OR2L13: variants seen among roughly 807,000 people sequenced by gnomAD.
OR2L13 encodes the protein olfactory receptor family 2 subfamily L member 13, also known as olfactory receptor 2L13.
Under a neutral mutation model 15.3 loss-of-function variants are expected in OR2L13, and 14 were observed. The ratio of observed to expected loss-of-function variants is 0.91; its 90% CI spans 0.60 to 1.43. The LOEUF is 1.43. Ranked by LOEUF, OR2L13 falls within the 40% of genes most tolerant of loss-of-function variation. The pLI is 0.00. For synonymous variants in OR2L13, 152 were observed against 142.9 expected, an observed-to-expected ratio of 1.06 and a Z score of -0.45; for missense variants, 367 against 387.9, an observed-to-expected ratio of 0.95 and a Z score of 0.45.
chr1:248,017,741 T>C, the OR2L13 span, among the ~76,000 whole-genome samples: 16 of 152,102 alleles, frequency 1.1e-4, no homozygotes, highest in African/African-American at 3.9e-4. Context: ...GGGTTGTAAA[T>C]TGAGACAGTC....
chr1:248,050,636 A>G, the OR2L13 span, among the ~76,000 whole-genome samples: 3 of 152,168 alleles, frequency 2.0e-5, no homozygotes, highest in African/African-American at 7.2e-5. Flanking sequence ...AATTAGGATA[A>G]TGTTAACTAT....
chr1:248,022,271 T>G, the OR2L13 span: 7 of 1,613,992 alleles, frequency 4.3e-6, no homozygotes, highest in Non-Finnish European at 5.9e-6. Flanking sequence ...CTTTTGCAGG[T>G]GCAGAAGCGC....
the OR2L13 span, among the ~76,000 whole-genome samples, chr1:247,998,784 TGTA>T: frequency 6.6e-6 from 1 of 152,142 alleles, no homozygotes; most frequent in Non-Finnish European, 1.5e-5. Flanking sequence ...TGTGCCAAAT[TGTA>T]GTGCTTTGTG....
chr1:247,959,043 G>T, the OR2L13 span, among the ~76,000 whole-genome samples: 1 of 152,138 alleles, frequency 6.6e-6, no homozygotes, highest in African/African-American at 2.4e-5. Context: ...AGCCTCGATG[G>T]TCTTTACAAT....
the OR2L13 span, among the ~76,000 whole-genome samples, chr1:247,973,437 A>C: frequency 4.7e-3 from 719 of 152,316 alleles, 7 homozygotes; most frequent in African/African-American, 0.016. Flanking sequence ...AAGCCTCAGG[A>C]TACAAAATCA....
At chr1:248,052,164 G>T in the OR2L13 span, among the ~76,000 whole-genome samples, 2 of 151,966 alleles carry the variant, frequency 1.3e-5, no homozygotes, top group African/African-American at 4.8e-5. Context: ...TTTATCTCTT[G>T]CATTTAGGAT....
At chr1:248,075,245 G>A in the OR2L13 span, among the ~76,000 whole-genome samples, 2 of 152,258 alleles carry the variant, frequency 1.3e-5, no homozygotes, top group South Asian at 4.2e-4. Context: ...GTGTATATGT[G>A]CCACATTTTC....
At chr1:248,039,372 A>G in the OR2L13 span, 1 of 464,418 alleles carries the variant, frequency 2.2e-6, no homozygotes. Flanking sequence ...ATATTAATAC[A>G]TATTCTAAGA....
the OR2L13 span, among the ~76,000 whole-genome samples, chr1:248,034,940 GTTTTC>G: frequency 6.6e-6 from 1 of 151,890 alleles, no homozygotes; most frequent in Middle Eastern, 3.2e-3. Flanking sequence ...ATTTATAACA[GTTTTC>G]TTTGCGTGGA....
At chr1:247,965,854 A>G in the OR2L13 span, 4 of 1,613,756 alleles carry the variant, frequency 2.5e-6, no homozygotes, top group Non-Finnish European at 3.4e-6. Context: ...TTTCATACAT[A>G]CATTGTATGT....
the OR2L13 span, among the ~76,000 whole-genome samples, chr1:247,997,821 TCAGTGGACATTCC>T: frequency 1.3e-5 from 2 of 152,198 alleles, no homozygotes; most frequent in Non-Finnish European, 2.9e-5. Context: ...GTCCAAAGTT[TCAGTGGACATTCC>T]CTAGTGAATA....
chr1:247,949,576 G>C, the OR2L13 span: 1,068 of 1,614,078 alleles, frequency 6.6e-4, 5 homozygotes, highest in African/African-American at 0.011. Context: ...TATTTGACCT[G>C]CAGCACCCAC....
chr1:248,021,967 C>G, the OR2L13 span: 1 of 1,612,930 alleles, frequency 6.2e-7, no homozygotes, highest in Admixed American at 1.7e-5. Flanking sequence ...TACAATCAAA[C>G]GTCAACTGAT....
the OR2L13 span, among the ~76,000 whole-genome samples, chr1:247,998,689 C>A: frequency 6.6e-6 from 1 of 152,060 alleles, no homozygotes; most frequent in East Asian, 1.9e-4. Flanking sequence ...AAAAGAAGGA[C>A]CTTCTTCTGG....
the OR2L13 span, among the ~76,000 whole-genome samples, chr1:248,071,778 G>T: frequency 2.0e-5 from 3 of 147,768 alleles, no homozygotes; most frequent in Non-Finnish European, 4.6e-5. Context: ...CTTCAGCAAA[G>T]TCTCAGGATA....
the OR2L13 span, among the ~76,000 whole-genome samples, chr1:248,071,106 A>G: frequency 1.3e-5 from 2 of 152,160 alleles, no homozygotes; most frequent in East Asian, 1.9e-4. Context: ...AAAAGAGGGA[A>G]TCCTCCCTAA....
chr1:248,088,323 C>T, the OR2L13 span, among the ~76,000 whole-genome samples: 1 of 151,882 alleles, frequency 6.6e-6, no homozygotes, highest in Admixed American at 6.6e-5. Flanking sequence ...GCTTGGATAG[C>T]CTATAAACTA....
the OR2L13 span, among the ~76,000 whole-genome samples, chr1:247,948,082 A>G: frequency 6.6e-6 from 1 of 152,244 alleles, no homozygotes; most frequent in Admixed American, 6.5e-5. Flanking sequence ...GCATTGTGGC[A>G]CGTGGCTGTA....
chr1:248,078,591 C>T, the OR2L13 span, among the ~76,000 whole-genome samples: 1 of 151,950 alleles, frequency 6.6e-6, no homozygotes, highest in Non-Finnish European at 1.5e-5. Context: ...GGCAGTGATT[C>T]GTTTTACAAC....
Sources: gnomAD v4.1 joint callset for allele counts (sites outside exome capture counted in the v4.1 genomes callset) on GRCh38, gnomAD v4.1.1 for gene constraint, MANE v1.5 for transcripts, NCBI Gene and HGNC (gene_info 2026-07-23, HGNC 2026-07-21) for gene names.